Variants in PRRC2A observed in about 807,000 individuals in gnomAD.
PRRC2A encodes the protein protein PRRC2A.
Under a neutral mutation model 224.6 loss-of-function variants are expected in PRRC2A, and 59 were observed. The observed-to-expected ratio is 0.26, with a 90% CI of 0.21 to 0.33. The LOEUF (loss-of-function observed/expected upper bound fraction) is 0.33. PRRC2A is among the 10% of genes least tolerant of loss of function. The pLI, the probability that PRRC2A is intolerant of heterozygous loss-of-function variation, is 1.00. For missense variants in PRRC2A, 3,095 were observed against 2,880.7 expected (o/e 1.07, Z -1.70); for synonymous variants, 1,194 against 1,109.5 (o/e 1.08, Z -1.51).
rs759335957 is a variant in PRRC2A at position 31,636,707 on chromosome 6, A to G, written c.5935-26A>G. 9.3e-6 allele frequency: 15 copies of G among 1,604,944 alleles called. No individual in the cohort carries two copies. The highest frequency in any genetic ancestry group is 1.3e-5 in the Non-Finnish European group (15 of 1,176,452). Reference sequence around the variant, plus strand: ...TCTGACATTCCTCCCTGCCCCCAACATGCACACCCAAATTTCTTGTTACAG... The same window carrying G: ...TCTGACATTCCTCCCTGCCCCCAACGTGCACACCCAAATTTCTTGTTACAG... On this transcript the variant is annotated intron_variant, in intron 27 of 30. Transcript: ENST00000376033. This position sits in a 1 kb window ranked among gnomAD's most constrained non-coding sequence, Gnocchi z 4.3.
In PRRC2A at chr6:31,633,612, A is replaced by G; in HGVS notation, c.4553A>G (p.Tyr1518Cys). Residue 1518 changes from tyrosine (Y) to cysteine (C), a missense_variant, in exon 17 of 31, where the codon TAC (tyrosine) becomes TGC (cysteine). This residue lies in a region of PRRC2A where 2,001 missense variants were observed against 1,764.9 expected (regional missense o/e 1.13). Transcript: ENST00000376033. The stretch of plus-strand genomic sequence containing the variant: ...CCCTCTCCTAGGCCCCCAACCCGAT[A>G]CGAGCCCCAGAGGGTCAACAGCGGC... ...QGPSPRPPTR[Y>C]EPQRVNSGLS... 9 of 1,612,664 alleles carry G rather than the reference A, an allele frequency of 5.6e-6. No homozygotes were observed. Among genetic ancestry groups the G allele is most frequent in the Non-Finnish European group, 7.6e-6 (9 of 1,179,792 alleles).
Position 31,627,882 on chromosome 6 carries a change from C to T in PRRC2A, c.1408C>T (p.Arg470Trp), listed in dbSNP as rs774718762. Reference sequence around the variant, plus strand: ...CCTGGCAGTGGAGCGGGCCCGGCGACGGCGAGAAGAAGAGGAGCGGCGCAT... The same window carrying T: ...CCTGGCAGTGGAGCGGGCCCGGCGATGGCGAGAAGAAGAGGAGCGGCGCAT... Reference protein sequence around the residue: ...ISLAVERARRRREEEERRMQE... With the variant: ...ISLAVERARRWREEEERRMQE... The change falls in exon 12 of 31, where the codon CGG (arginine) becomes TGG (tryptophan). Residue 470 changes from arginine (R) to tryptophan (W), a missense_variant. Around this residue, in one of 8 missense-constraint regions of PRRC2A, gnomAD observed 2,001 missense variants for 1,764.9 expected, o/e 1.13. Coordinates refer to ENST00000376033, the MANE Select transcript of PRRC2A (RefSeq NM_004638.4). This position sits in a 1 kb window ranked among gnomAD's most constrained non-coding sequence, Gnocchi z 5.6. 6.2e-7 allele frequency: 1 copy of T among 1,613,044 alleles called. No homozygotes were observed. The highest frequency in any genetic ancestry group is 1.1e-5 in the South Asian group (1 of 91,086).
Position 31,629,172 on chromosome 6 carries a change from T to G in PRRC2A, c.1794T>G (p.Gly598=). The change falls in exon 13 of 31, where the codon GGT becomes GGG. Residue 598 remains glycine, a synonymous_variant. Coordinates refer to ENST00000376033, the MANE Select transcript of PRRC2A (RefSeq NM_004638.4). The part of the protein sequence containing the change: ...PVEPQLPSKE[G]PEPPEEVPPP... The stretch of plus-strand genomic sequence containing the variant: ...AACCACAACTGCCCTCAAAAGAGGG[T>G]CCTGAACCACCAGAAGAGGTTCCTC... The G allele has an allele frequency of 6.2e-7, 1 of 1,613,942 alleles. No homozygotes were observed. Among genetic ancestry groups the G allele is most frequent in the Non-Finnish European group, 8.5e-7 (1 of 1,180,000 alleles).
At position 31,635,931 on chromosome 6, in the gene PRRC2A, T is replaced by C. The variant is rs369243902; in HGVS notation, c.5542-36T>C. On this transcript the variant is annotated intron_variant, in intron 24 of 30. Coordinates refer to ENST00000376033, the MANE Select transcript of PRRC2A (RefSeq NM_004638.4). ...GGTGATCTTTTTTCTTGACCACAGA[T>C]ACTAAAGCTGTTTCAACCGTGCTCC... The C allele has an allele frequency of 6.4e-6, 10 of 1,552,208 alleles. No individual in the cohort carries two copies. In the African/African-American group the frequency reaches 8.2e-5, roughly 13 times the overall value.
rs1776991745 is a variant in PRRC2A at position 31,633,875 on chromosome 6, G to T, written c.4605G>T (p.Glu1535Asp). Reference sequence around the variant, plus strand: ...CTTTCCCAGACCCCCACTTTGAGGAGCCGGGGCCAATGGTGAGAGGGGTGG... The same window carrying T: ...CTTTCCCAGACCCCCACTTTGAGGATCCGGGGCCAATGGTGAGAGGGGTGG... ...SGLSSDPHFEEPGPMVRGVGG... is the reference protein window; with the variant it reads ...SGLSSDPHFEDPGPMVRGVGG... Residue 1535 changes from glutamate to aspartate, a missense_variant, in exon 18 of 31, where the codon GAG becomes GAT. Physicochemically the swap from Glu to Asp is conservative, Grantham distance 45. Transcript: ENST00000376033. The T allele has an allele frequency of 6.3e-7, 1 of 1,578,028 alleles. No homozygotes were observed. The highest frequency in any genetic ancestry group is 8.5e-7 in the Non-Finnish European group (1 of 1,170,522).
At position 31,633,162 on chromosome 6, in the gene PRRC2A, A is replaced by G. The variant is rs1372459239; in HGVS notation, c.4319+170A>G. 2.0e-5 allele frequency among the ~76,000 whole-genome samples: 3 copies of G among 152,182 alleles called. No homozygotes were observed. The East Asian group carries it at 5.8e-4, about 29-fold the overall frequency. ...CTAAGGCAACTGGAAAGCGGTTGGT[A>G]GGGTGTTAGAGTCAAGAACACCCAC... is the stretch of plus-strand genomic sequence containing the variant. On this transcript the variant is annotated intron_variant, in intron 16 of 30. Coordinates refer to ENST00000376033, the MANE Select transcript of PRRC2A (RefSeq NM_004638.4).
At position 31,632,061 on chromosome 6, in the gene PRRC2A, G is replaced by A; in HGVS notation, c.3388G>A (p.Gly1130Arg). The A allele has an allele frequency of 1.9e-6, 3 of 1,571,988 alleles. No homozygotes were observed. In the South Asian group the frequency reaches 3.5e-5, roughly 18 times the overall value. Residue 1130 changes from glycine to arginine, a missense_variant, in exon 16 of 31, where the codon GGA (glycine) becomes AGA (arginine). By Grantham distance (125) the Gly-to-Arg change is moderately radical. Around this residue, in one of 8 missense-constraint regions of PRRC2A, gnomAD observed 2,001 missense variants for 1,764.9 expected, o/e 1.13. Coordinates refer to ENST00000376033, the MANE Select transcript of PRRC2A (RefSeq NM_004638.4). ...CAAGGAGGCTCCCACACCCAAGGAGGGAACACTCACCCAGGTCCCTCTCGC... is the reference window on the plus strand; with the variant it reads ...CAAGGAGGCTCCCACACCCAAGGAGAGAACACTCACCCAGGTCCCTCTCGC... ...SDKEAPTPKE[G>R]TLTQVPLAPP...
In PRRC2A at chr6:31,628,050, A is replaced by AT. The variant is rs1404928160; in HGVS notation, c.1576_1577insT (p.Lys526IlefsTer22). On this transcript the variant is annotated frameshift_variant, in exon 12 of 31. Coordinates refer to ENST00000376033, the MANE Select transcript of PRRC2A (RefSeq NM_004638.4). LOFTEE classifies it high-confidence loss of function. ...CCCAGCTCCACCACCTGCAGTCCCT[A>AT]AAGAACTCCCTGCACCTCCAGCTCC... 1 of 1,612,678 alleles carries AT rather than the reference A, an allele frequency of 6.2e-7. No individual in the cohort carries two copies. Among genetic ancestry groups the AT allele is most frequent in the Admixed American group, 1.7e-5 (1 of 60,000 alleles).
At chr6:31,633,695 G>T in intron 17 of PRRC2A, 48 bp downstream of exon 17, 1 of 1,567,702 alleles carries the variant, frequency 6.4e-7, no homozygotes, top group East Asian at 2.2e-5. Flanking sequence ...CCCAGAGAAG[G>T]TCAAGTGCTG....
At chr6:31,634,089 G>GTT in intron 18 of PRRC2A, 100 bp downstream of exon 18, 1 of 1,575,996 alleles carries the variant, frequency 6.3e-7, no homozygotes. Context: ...CTTTCACTGT[G>GTT]TTTTTACTCC....
chr6:31,636,513 C>T lies in PRRC2A; in HGVS notation c.5839C>T (p.Arg1947Cys), dbSNP rs569266224. The part of the protein sequence containing the change: ...PLPDTSLLQV[R>C]QDLPSPSDFY... ...ATTTCTCCCTGTTTCCCGACAGGTA[C>T]GCCAGGATCTGCCATCCCCTTCGGA... The change falls in exon 27 of 31, where the codon CGC becomes TGC. Residue 1947 changes from arginine (R) to cysteine (C), a missense_variant. Arg to Cys is a radical substitution (Grantham distance 180, BLOSUM62 -3). Transcript: ENST00000376033. This position sits in a 1 kb window ranked among gnomAD's most constrained non-coding sequence, Gnocchi z 4.3. The T allele has an allele frequency of 1.4e-5, 22 of 1,608,914 alleles. No individual in the cohort carries two copies. The East Asian group carries it at 1.6e-4, about 11-fold the overall frequency.
Position 31,627,633 on chromosome 6 carries a change from A to G in PRRC2A, c.1291-132A>G. On this transcript the variant is annotated intron_variant, in intron 11 of 30. Coordinates refer to ENST00000376033, the MANE Select transcript of PRRC2A (RefSeq NM_004638.4). The surrounding 1 kb of genome is among the most constrained non-coding windows in gnomAD (Gnocchi z 5.6). Reference sequence around the variant, plus strand: ...AGACCAGGATAATGAGTTTGTCACCACCCAGAGAGATCAACCCCAAAGCCT... The same window carrying G: ...AGACCAGGATAATGAGTTTGTCACCGCCCAGAGAGATCAACCCCAAAGCCT... 8.5e-7 allele frequency: 1 copy of G among 1,177,594 alleles called. No homozygotes were observed. Among genetic ancestry groups the G allele is most frequent in the Non-Finnish European group, 1.2e-6 (1 of 853,794 alleles). 72.9% of individuals were successfully genotyped at this position (1,177,594 alleles called of 1,614,324 possible). A position where few individuals can be genotyped will look rare whatever the true frequency, so the allele number is the denominator to read the frequency against.
Position 31,623,924 on chromosome 6 carries a change from G to A in PRRC2A, c.290+15G>A, listed in dbSNP as rs761559749. On this transcript the variant is annotated intron_variant, in intron 3 of 30. Coordinates refer to ENST00000376033, the MANE Select transcript of PRRC2A (RefSeq NM_004638.4). ...GACCCCAAGAGGTAGACAGAGGCTT[G>A]GGGGACCTAGAGTGATGGGTATTTT... The A allele has an allele frequency of 1.2e-5, 20 of 1,613,432 alleles. No homozygotes were observed. Among genetic ancestry groups the A allele is most frequent in the Non-Finnish European group, 1.6e-5 (19 of 1,179,532 alleles).
Position 31,625,912 on chromosome 6 carries a change from A to G in PRRC2A, c.839+41A>G. On this transcript the variant is annotated intron_variant, in intron 8 of 30. Coordinates refer to ENST00000376033, the MANE Select transcript of PRRC2A (RefSeq NM_004638.4). This position sits in a 1 kb window ranked among gnomAD's most constrained non-coding sequence, Gnocchi z 4.1. ...CTGGGTTTGTGGCTGGGGGCAGGGG[A>G]AGCTTATTGGGGGAGGAGATGGTTT... 1 of 1,580,462 alleles carries G rather than the reference A, an allele frequency of 6.3e-7. No individual in the cohort carries two copies. Among genetic ancestry groups the G allele is most frequent in the Non-Finnish European group, 8.7e-7 (1 of 1,152,916 alleles).
Position 31,632,270 on chromosome 6 carries a change from A to C in PRRC2A, c.3597A>C (p.Thr1199=). The C allele has an allele frequency of 6.2e-7, 1 of 1,613,016 alleles. No homozygotes were observed. Among genetic ancestry groups the C allele is most frequent in the South Asian group, 1.1e-5 (1 of 91,084 alleles). ...AKSLAPKKPP[T]GPLPPSKEPL... is the part of the protein sequence containing the mutation. Reference sequence around the variant, plus strand: ...CTCTGGCTCCCAAGAAACCTCCCACAGGCCCTTTGCCACCAAGTAAGGAGC... The same window carrying C: ...CTCTGGCTCCCAAGAAACCTCCCACCGGCCCTTTGCCACCAAGTAAGGAGC... Residue 1199 remains threonine (T), a synonymous_variant, in exon 16 of 31, where the codon ACA becomes ACC. Transcript: ENST00000376033.
intron 12 of PRRC2A, chr6:31,628,540 GGCAACAAA>G: frequency 2.2e-6 from 1 of 460,248 alleles, no homozygotes. Flanking sequence ...GACCAGCCTG[GGCAACAAA>G]GCAAGACCCT....
chr6:31,627,700 A>C lies in PRRC2A; in HGVS notation c.1291-65A>C. ...CAAGTAGCGACAGTTGATTTGTTGT[A>C]AAAGAGATGATAGAAAGCATAGTAA... is the stretch of plus-strand genomic sequence containing the variant. On this transcript the variant is annotated intron_variant, in intron 11 of 30. Coordinates refer to ENST00000376033, the MANE Select transcript of PRRC2A (RefSeq NM_004638.4). The surrounding 1 kb of genome is among the most constrained non-coding windows in gnomAD (Gnocchi z 5.6). The C allele has an allele frequency of 2.6e-6, 4 of 1,565,012 alleles. No individual in the cohort carries two copies. Among genetic ancestry groups the C allele is most frequent in the Non-Finnish European group, 3.5e-6 (4 of 1,153,632 alleles).
In PRRC2A at chr6:31,632,015, G is replaced by C. The variant is rs978327888; in HGVS notation, c.3342G>C (p.Glu1114Asp). The C allele has an allele frequency of 3.1e-6, 5 of 1,608,114 alleles. No individual in the cohort carries two copies. The highest frequency in any genetic ancestry group is 3.4e-5 in the Admixed American group (2 of 59,678). The part of the protein sequence containing the change: ...RGSETGSETH[E>D]SDLAPSDKEA... ...CAGAAACAGGCAGCGAGACCCATGAGAGTGATCTGGCTCCTTCAGACAAGG... is the reference window on the plus strand; with the variant it reads ...CAGAAACAGGCAGCGAGACCCATGACAGTGATCTGGCTCCTTCAGACAAGG... The change falls in exon 16 of 31, where the codon GAG (glutamate) becomes GAC (aspartate). Residue 1114 changes from glutamate (E) to aspartate (D), a missense_variant. Physicochemically the swap from Glu to Asp is conservative, Grantham distance 45. Coordinates refer to ENST00000376033, the MANE Select transcript of PRRC2A (RefSeq NM_004638.4).
In PRRC2A at chr6:31,634,764, T is replaced by G. The variant is rs1317455968; in HGVS notation, c.4947T>G (p.Ser1649=). The change falls in exon 21 of 31, where the codon TCT becomes TCG. Residue 1649 remains serine (S), a synonymous_variant. Transcript: ENST00000376033. The part of the protein sequence containing the change: ...EDVAGTEMSQ[S]DSGVDLSGDS... ...TCCACTCCTCTCAGATGAGTCAGTCTGACAGTGGGGTGGACCTGAGTGGGG... is the reference window on the plus strand; with the variant it reads ...TCCACTCCTCTCAGATGAGTCAGTCGGACAGTGGGGTGGACCTGAGTGGGG... 5 of 1,612,256 alleles carry G rather than the reference T, an allele frequency of 3.1e-6. No homozygotes were observed. Among genetic ancestry groups the G allele is most frequent in the Non-Finnish European group, 3.4e-6 (4 of 1,179,896 alleles).
Sources: allele counts gnomAD v4.1 joint callset (sites outside exome capture counted in the v4.1 genomes callset), GRCh38; gene constraint gnomAD v4.1.1; regional missense constraint gnomAD v4.1.1; non-coding constraint Gnocchi (gnomAD v3.1); transcripts MANE v1.5; gene names NCBI Gene and HGNC (gene_info 2026-07-23, HGNC 2026-07-21).